SLC17A5: variants seen among roughly 807,000 people sequenced by gnomAD.
SLC17A5 encodes sialin.
SLC17A5 carries 47 observed loss-of-function variants against 59.4 expected under a neutral mutation model. The observed-to-expected ratio is 0.79, with a 90% CI of 0.63 to 1.01. The LOEUF (loss-of-function observed/expected upper bound fraction) is 1.01, where lower values mean the gene tolerates loss of function less well. SLC17A5 is among the 50% of genes least tolerant of loss of function. The pLI is 0.00. For missense variants in SLC17A5, 522 were observed against 595.5 expected, an observed-to-expected ratio of 0.88 and a Z score of 1.28; for synonymous variants, 202 against 210.7, an observed-to-expected ratio of 0.96 and a Z score of 0.36.
rs1237599211 is a variant in SLC17A5, at chr6:73,594,246, C to T, written c.*831G>A. 6.6e-6 allele frequency: 1 copy of T among 152,192 alleles called. No individual in the cohort carries two copies. The highest frequency in any genetic ancestry group is 1.5e-5 in the Non-Finnish European group (1 of 68,084). The allele number at this position is 152,192 out of a possible 1,614,324, so 9.4% of individuals were successfully genotyped here. A position where few individuals can be genotyped will look rare whatever the true frequency, so the allele number is the denominator to read the frequency against. Reference sequence around the variant, plus strand: ...TGCTGGCCAGGCTGGTCTCGAACTCCTGATCTCATGATTCGCCCACCTCAG... The same window carrying T: ...TGCTGGCCAGGCTGGTCTCGAACTCTTGATCTCATGATTCGCCCACCTCAG... On this transcript the variant is annotated 3_prime_UTR_variant, in exon 11 of 11. Transcript: ENST00000355773.
chr6:73,598,624 C>A (rs984918668), intron 10 of SLC17A5, among the ~76,000 whole-genome samples: 2 of 152,118 alleles, frequency 1.3e-5, no homozygotes, highest in East Asian at 1.9e-4. Flanking sequence ...AGTGAGACTT[C>A]ATCTCAAAAA....
chr6:73,601,232 C>G (rs190683527), intron 9 of SLC17A5, among the ~76,000 whole-genome samples: 5 of 140,542 alleles, frequency 3.6e-5, no homozygotes, highest in African/African-American at 1.3e-4. Flanking sequence ...CTGCCTGGCC[C>G]CGACCCCGTC....
chr6:73,596,240 G>A lies in SLC17A5; in HGVS notation c.1351-1026C>T, dbSNP rs564896449. 1.3e-3 allele frequency among the ~76,000 whole-genome samples: 192 copies of A among 152,278 alleles called. 1 individual carries two copies. Among genetic ancestry groups the A allele is most frequent in the African/African-American group, 4.3e-3 (179 of 41,560 alleles). On this transcript the variant is annotated intron_variant, in intron 10 of 10. Coordinates refer to ENST00000355773, the MANE Select transcript of SLC17A5 (RefSeq NM_012434.5). ...CTAACTAACACTAAGAAAGTCTTAT[G>A]CCTGTGCACGGTCTCCTGGGTTCTC...
intron 8 of SLC17A5, among the ~76,000 whole-genome samples, chr6:73,614,831 C>T (rs958449546): frequency 6.6e-6 from 1 of 152,206 alleles, no homozygotes; most frequent in Non-Finnish European, 1.5e-5. Context: ...TTCCATCTGG[C>T]TGTTCATCTA....
rs528466715 is a variant in SLC17A5, at chr6:73,635,406, G to A, written c.795C>T (p.Tyr265=). 6.3e-6 allele frequency: 10 copies of A among 1,590,906 alleles called. No individual in the cohort carries two copies. The highest frequency in any genetic ancestry group is 8.6e-6 in the Non-Finnish European group (10 of 1,160,488). Residue 265 remains tyrosine (Y), a synonymous_variant, in exon 6 of 11, where the codon TAC becomes TAT. Coordinates refer to ENST00000355773, the MANE Select transcript of SLC17A5 (RefSeq NM_012434.5). ...HKRISHYEKE[Y]ILSSLRNQLS... is the part of the protein sequence containing the mutation. ...CCTGATTTCTTAATGATGAAAGAAT[G>A]TATTCCTTTTCATAATGGGAAATTC...
At chr6:73,603,871 G>A (rs1389596379) in intron 9 of SLC17A5, among the ~76,000 whole-genome samples, 1 of 151,618 alleles carries the variant, frequency 6.6e-6, no homozygotes, top group Non-Finnish European at 1.5e-5. Flanking sequence ...AGATCCTAGG[G>A]GGTTCATTAG....
At chr6:73,618,917 G>C (rs1429389797) in intron 7 of SLC17A5, among the ~76,000 whole-genome samples, 1 of 152,014 alleles carries the variant, frequency 6.6e-6, no homozygotes, top group Non-Finnish European at 1.5e-5. Context: ...AGTAGAGATG[G>C]GATTTCACCG....
At chr6:73,652,832 G>A (rs1399198250) in intron 1 of SLC17A5, among the ~76,000 whole-genome samples, 1 of 152,168 alleles carries the variant, frequency 6.6e-6, no homozygotes, top group Non-Finnish European at 1.5e-5. Flanking sequence ...ATACAATTCT[G>A]GGTTAGCCAA....
chr6:73,601,401 G>T (rs1266861267), intron 9 of SLC17A5, among the ~76,000 whole-genome samples: 1 of 130,578 alleles, frequency 7.7e-6, no homozygotes, highest in South Asian at 2.9e-4. Context: ...CGCCCCGTCC[G>T]GGAGGGAGGT....
intron 7 of SLC17A5, 135 bp downstream of exon 7, chr6:73,621,669 A>G (rs1768158942): frequency 2.8e-6 from 2 of 704,142 alleles, no homozygotes; most frequent in African/African-American, 2.0e-5. Flanking sequence ...CCTTTGATGT[A>G]TAAGAATCTC....
At position 73,631,530 on chromosome 6, in the gene SLC17A5, A is replaced by T. The variant is rs747320080; in HGVS notation, c.819+3852T>A. On this transcript the variant is annotated intron_variant, in intron 6 of 10. Coordinates refer to ENST00000355773, the MANE Select transcript of SLC17A5 (RefSeq NM_012434.5). ...TCTAAACTGCAACAAGTTCCTCTCA[A>T]CTCTGCACTAAGATGCCCCATGGTT... is the stretch of plus-strand genomic sequence containing the variant. Among the ~76,000 whole-genome samples the T allele has an allele frequency of 2.6e-5, 4 of 151,688 alleles. 1 individual carries two copies. The highest frequency in any genetic ancestry group is 7.3e-5 in the African/African-American group (3 of 41,074).
intron 9 of SLC17A5, among the ~76,000 whole-genome samples, chr6:73,605,630 AACACAC>A (rs3045763): frequency 2.7e-4 from 40 of 145,954 alleles, no homozygotes; most frequent in Non-Finnish European, 5.0e-4. Context: ...GCAAGGTTTA[AACACAC>A]ACACACACAC....
At chr6:73,647,998 G>A (rs940739593) in intron 1 of SLC17A5, among the ~76,000 whole-genome samples, 9 of 152,162 alleles carry the variant, frequency 5.9e-5, no homozygotes, top group African/African-American at 1.9e-4. Flanking sequence ...GAACCTGGGA[G>A]GTGGAGGTTG....
intron 6 of SLC17A5, among the ~76,000 whole-genome samples, chr6:73,630,978 G>A (rs1181958956): frequency 2.6e-5 from 4 of 151,080 alleles, no homozygotes; most frequent in South Asian, 2.1e-4. Context: ...ACTGGGAGGC[G>A]GATGTTGCAG....
At chr6:73,638,348 C>A in intron 4 of SLC17A5, 64 bp downstream of exon 4, 1 of 1,227,744 alleles carries the variant, frequency 8.1e-7, no homozygotes, top group Non-Finnish European at 1.2e-6. Flanking sequence ...TATGCAGGCC[C>A]TTTTTCCCAA....
chr6:73,630,366 T>G (rs1264373798), intron 6 of SLC17A5, among the ~76,000 whole-genome samples: 1 of 152,190 alleles, frequency 6.6e-6, no homozygotes, highest in Non-Finnish European at 1.5e-5. Flanking sequence ...ATCCACTTAT[T>G]GTAAGAATGA....
At chr6:73,645,789 CAAAAAAA>C (rs58205870) in intron 1 of SLC17A5, among the ~76,000 whole-genome samples, 2 of 76,068 alleles carry the variant, frequency 2.6e-5, no homozygotes, top group Admixed American at 3.2e-4. Context: ...GACTCCGTCT[CAAAAAAA>C]AAAAAAAAAA....
chr6:73,617,747 G>A (rs1287051778), intron 7 of SLC17A5, among the ~76,000 whole-genome samples: 1 of 152,168 alleles, frequency 6.6e-6, no homozygotes, highest in Non-Finnish European at 1.5e-5. Context: ...GGCCGAGGCA[G>A]GAGAATCGCT....
intron 7 of SLC17A5, chr6:73,618,313 T>C: frequency 4.8e-6 from 1 of 208,542 alleles, no homozygotes; most frequent in Non-Finnish European, 9.6e-6. Context: ...TAAAATGAGT[T>C]TCTGGTTGTG....
Sources: allele counts gnomAD v4.1 joint callset (sites outside exome capture counted in the v4.1 genomes callset), GRCh38; gene constraint gnomAD v4.1.1; transcripts MANE v1.5; gene names NCBI Gene and HGNC (gene_info 2026-07-23, HGNC 2026-07-21).